Variants in TDRD12 observed in about 807,000 individuals in gnomAD.
TDRD12 encodes the protein tudor domain containing 12.
In TDRD12, 158 loss-of-function variants were observed where a neutral mutation model predicts 133.5. That is an observed-to-expected ratio of 1.18 (90% CI 1.04 to 1.35). The LOEUF (loss-of-function observed/expected upper bound fraction) is 1.35. Ranked by LOEUF, TDRD12 falls within the 40% of genes most tolerant of loss-of-function variation. TDRD12 has a pLI of 0.00. For missense variants in TDRD12, 1,443 were observed against 1,321.3 expected (o/e 1.09, Z -1.43); for synonymous variants, 460 against 477.9 (o/e 0.96, Z 0.49).
chr19:32,786,403 T>C (rs61664328), intron 11 of TDRD12, among the ~76,000 whole-genome samples: 2 of 152,150 alleles, frequency 1.3e-5, no homozygotes, highest in African/African-American at 4.8e-5. Flanking sequence ...TTGTGTGTCT[T>C]GGGGTTGCTC....
chr19:32,823,863 A>G (rs559462219), downstream of TDRD12, among the ~76,000 whole-genome samples: 1 of 152,218 alleles, frequency 6.6e-6, no homozygotes, highest in Non-Finnish European at 1.5e-5. Context: ...GAGGGTCTGC[A>G]CTGTCGCAGG....
At chr19:32,754,025 C>T (rs532181106) in intron 6 of TDRD12, among the ~76,000 whole-genome samples, 3 of 152,106 alleles carry the variant, frequency 2.0e-5, no homozygotes, top group African/African-American at 7.2e-5. Flanking sequence ...TTTTCTCTTT[C>T]GCACCTTCTT....
At chr19:32,795,988 G>A (rs1971214309) in intron 14 of TDRD12, 1 of 222,586 alleles carries the variant, frequency 4.5e-6, no homozygotes, top group African/African-American at 2.3e-5. Context: ...CCAACACTGG[G>A]GATTACATTT....
chr19:32,739,801 C>T (rs1405795587), intron 3 of TDRD12, among the ~76,000 whole-genome samples: 1 of 138,396 alleles, frequency 7.2e-6, no homozygotes, highest in Non-Finnish European at 1.5e-5. Flanking sequence ...TGGGTGCTCT[C>T]TGCATCTCCT....
chr19:32,796,746 T>C (rs1026920492), intron 14 of TDRD12, among the ~76,000 whole-genome samples: 17 of 152,140 alleles, frequency 1.1e-4, no homozygotes, highest in Admixed American at 1.3e-4. Context: ...GAAGGGGATG[T>C]CCAGGTCTCG....
At chr19:32,729,778 CTTTTTTTTTTTTTTTT>C (rs1162347194) in intron 1 of TDRD12, among the ~76,000 whole-genome samples, 904 of 73,806 alleles carry the variant, frequency 0.012, 16 homozygotes, top group African/African-American at 0.049. Context: ...TTTTCTTTTT[CTTTTTTTTTTTTTTTT>C]TTTTTTTTTT....
At chr19:32,829,475 G>A (rs893491920), downstream of TDRD12, 7 of 152,216 alleles carry the variant, frequency 4.6e-5, no homozygotes, top group African/African-American at 1.4e-4. Context: ...AAAATGCAAG[G>A]TGAAAGTGCC....
intron 8 of TDRD12, 35 bp downstream of exon 8, chr19:32,757,165 G>A (rs1486594431): frequency 4.1e-6 from 6 of 1,470,612 alleles, no homozygotes; most frequent in South Asian, 2.5e-5. Context: ...TTCATAGGCA[G>A]CATGAAAAAA....
downstream of TDRD12, chr19:32,824,509 G>A (rs970714766): frequency 1.3e-5 from 2 of 152,438 alleles, no homozygotes; most frequent in African/African-American, 4.8e-5. Context: ...TGTGCTCTGT[G>A]CAAGCAAACA....
rs1393007872 is a variant in TDRD12, at chr19:32,732,204, C to T, written c.183+321C>T. 3.9e-5 allele frequency among the ~76,000 whole-genome samples: 6 copies of T among 152,240 alleles called. No individual in the cohort carries two copies. In the East Asian group the frequency reaches 9.7e-4, roughly 25 times the overall value. ...TTTTTAGTAGAGACGGGGGTTTCACCGTGTTGGCCAGGCTGGTCTCGAACT... is the reference window on the plus strand; with the variant it reads ...TTTTTAGTAGAGACGGGGGTTTCACTGTGTTGGCCAGGCTGGTCTCGAACT... On this transcript the variant is annotated intron_variant, in intron 2 of 27. Coordinates refer to ENST00000444215, the Ensembl canonical transcript of TDRD12.
chr19:32,727,065 G>A (rs952107547), intron 1 of TDRD12, among the ~76,000 whole-genome samples: 3 of 152,162 alleles, frequency 2.0e-5, no homozygotes, highest in African/African-American at 7.2e-5. Flanking sequence ...AGTGCACAAT[G>A]ATTCCAGTGT....
At chr19:32,815,286 A>C (rs1967138718) in intron 25 of TDRD12, among the ~76,000 whole-genome samples, 162 bp from the exon 26 acceptor site, 1 of 152,246 alleles carries the variant, frequency 6.6e-6, no homozygotes, top group South Asian at 2.1e-4. Context: ...GGTAGGAAGC[A>C]ATCCAGATGC....
intron 11 of TDRD12, among the ~76,000 whole-genome samples, chr19:32,789,308 T>A (rs1971000733): frequency 6.6e-6 from 1 of 152,230 alleles, no homozygotes; most frequent in Non-Finnish European, 1.5e-5. Context: ...AAAACATAGC[T>A]TTTTTGAAAT....
chr19:32,793,185 CAAT>C (rs36078920), intron 13 of TDRD12, among the ~76,000 whole-genome samples: 93,451 of 149,156 alleles, frequency 0.63, 30,477 homozygotes, highest in East Asian at 0.88. Context: ...ACTCTGTCTA[CAAT>C]AATAATAATA....
chr19:32,739,427 G>T (rs1969328320), intron 3 of TDRD12, among the ~76,000 whole-genome samples: 1 of 148,034 alleles, frequency 6.8e-6, no homozygotes, highest in African/African-American at 2.5e-5. Flanking sequence ...TCTATCACCT[G>T]GCTACTTTCT....
At position 32,777,014 on chromosome 19, in the gene TDRD12, G is replaced by T. The variant is rs979064389; in HGVS notation, c.1041-135G>T. 2.6e-5 allele frequency: 15 copies of T among 588,104 alleles called. No homozygotes were observed. The African/African-American group carries it at 2.9e-4, about 11-fold the overall frequency. The allele number at this position is 588,104 out of a possible 1,614,324, so 36.4% of individuals were successfully genotyped here. On this transcript the variant is annotated intron_variant, in intron 10 of 27. Transcript: ENST00000444215. ...GGCGATCCTCCCACCTTGGCCTCCC[G>T]AGTTGCTGGGACTATAGGTGCACAC...
At chr19:32,777,507 A>G (rs773009145) in intron 11 of TDRD12, among the ~76,000 whole-genome samples, 17 of 152,038 alleles carry the variant, frequency 1.1e-4, no homozygotes, top group Non-Finnish European at 2.4e-4. Flanking sequence ...AAATCAAATT[A>G]GATACAGTTG....
chr19:32,794,683 C>T lies in TDRD12; in HGVS notation c.1343C>T (p.Pro448Leu), dbSNP rs761839221. Residue 448 changes from proline (P) to leucine (L), a missense_variant, in exon 14 of 28, where the codon CCT (proline) becomes CTT (leucine). Transcript: ENST00000444215. ...AGCCACACTGAATCTTACTCTTGGC[C>T]TCCCATAGCGCGTGGCTGTGATGTG... The T allele has an allele frequency of 4.3e-5, 30 of 703,060 alleles. No homozygotes were observed. The Admixed American group carries it at 5.0e-4, about 12-fold the overall frequency. 43.6% of individuals were successfully genotyped at this position (703,060 alleles called of 1,614,324 possible).
chr19:32,806,223 G>C (rs1971544074), intron 21 of TDRD12, among the ~76,000 whole-genome samples: 1 of 152,106 alleles, frequency 6.6e-6, no homozygotes, highest in African/African-American at 2.4e-5. Flanking sequence ...ATGGGTGCCT[G>C]ATACGTAGCT....
Sources: allele counts gnomAD v4.1 joint callset (sites outside exome capture counted in the v4.1 genomes callset), GRCh38; gene constraint gnomAD v4.1.1; transcripts MANE v1.5; gene names NCBI Gene and HGNC (gene_info 2026-07-23, HGNC 2026-07-21).